ARHGAP12: variants seen among roughly 807,000 people sequenced by gnomAD.
ARHGAP12 encodes Rho GTPase activating protein 12, also known as rho GTPase-activating protein 12.
ARHGAP12 carries 64 observed loss-of-function variants against 108.6 expected under a neutral mutation model. The observed-to-expected ratio is 0.59, with a 90% confidence interval of 0.48 to 0.73. The LOEUF is 0.73. Ranked by LOEUF, ARHGAP12 falls within the 30% of genes least tolerant of loss-of-function variation. The pLI is 0.00. For synonymous variants in ARHGAP12, 312 were observed against 337.2 expected (o/e 0.93, Z 0.82); for missense variants, 940 against 1,005.9 (o/e 0.93, Z 0.89).
intron 3 of ARHGAP12, 46 bp downstream of exon 3, chr10:31,908,126 T>C: frequency 6.7e-7 from 1 of 1,484,534 alleles, no homozygotes; most frequent in African/African-American, 1.4e-5. Flanking sequence ...AACTAATATT[T>C]TCACTAGGGT....
intron 10 of ARHGAP12, among the ~76,000 whole-genome samples, chr10:31,828,642 T>C (rs1473900799): frequency 6.6e-6 from 1 of 152,168 alleles, no homozygotes; most frequent in Non-Finnish European, 1.5e-5. Flanking sequence ...ATAACGATTA[T>C]TGCCTCAAGG....
At chr10:31,895,789 C>G (rs541040267) in intron 3 of ARHGAP12, among the ~76,000 whole-genome samples, 1 of 152,120 alleles carries the variant, frequency 6.6e-6, no homozygotes. Flanking sequence ...CACATGCACA[C>G]GTATGTTTAT....
chr10:31,852,508 G>T lies in ARHGAP12; in HGVS notation c.1170+9C>A. The T allele has an allele frequency of 6.3e-7, 1 of 1,592,350 alleles. No homozygotes were observed. Among genetic ancestry groups the T allele is most frequent in the East Asian group, 2.2e-5 (1 of 44,664 alleles). On this transcript the variant is annotated intron_variant, in intron 6 of 19. Transcript: ENST00000344936. Reference sequence around the variant, plus strand: ...TTTTAAATAGAAATTCGGTGTCAAGGTTTATTACCTTTGGCAATTCCCATT... The same window carrying T: ...TTTTAAATAGAAATTCGGTGTCAAGTTTTATTACCTTTGGCAATTCCCATT...
intron 3 of ARHGAP12, among the ~76,000 whole-genome samples, chr10:31,897,839 T>C (rs1838763324): frequency 1.3e-5 from 2 of 152,106 alleles, no homozygotes; most frequent in South Asian, 4.1e-4. Context: ...AAATATCTAC[T>C]ATTAGGCTGG....
intron 1 of ARHGAP12, among the ~76,000 whole-genome samples, chr10:31,912,647 T>C (rs1003666981): frequency 6.6e-5 from 10 of 152,092 alleles, no homozygotes; most frequent in East Asian, 1.9e-4. Flanking sequence ...GGTATCTCTA[T>C]AGAAAAGGTG....
At chr10:31,902,129 C>T (rs765300484) in intron 3 of ARHGAP12, among the ~76,000 whole-genome samples, 53 of 151,764 alleles carry the variant, frequency 3.5e-4, no homozygotes, top group Admixed American at 7.2e-4. Context: ...TATCTGATTT[C>T]GATACTTATT....
At chr10:31,859,244 T>C (rs931696661) in intron 4 of ARHGAP12, among the ~76,000 whole-genome samples, 8 of 152,104 alleles carry the variant, frequency 5.3e-5, no homozygotes, top group Admixed American at 5.2e-4. Context: ...CAGACAGCCC[T>C]TACCGTGTAT....
chr10:31,913,676 C>G (rs1592377135), intron 1 of ARHGAP12: 1 of 129,368 alleles, frequency 7.7e-6, no homozygotes, highest in South Asian at 2.6e-4. Flanking sequence ...AAAAAAAAAG[C>G]AAGAAAAAGA....
chr10:31,833,182 G>A (rs759906977), intron 9 of ARHGAP12, among the ~76,000 whole-genome samples: 30 of 152,104 alleles, frequency 2.0e-4, no homozygotes, highest in Admixed American at 7.2e-4. Context: ...CAAAAGCAGG[G>A]AGAAAACAAT....
intron 3 of ARHGAP12, among the ~76,000 whole-genome samples, chr10:31,886,666 C>T (rs1030474258): frequency 3.9e-5 from 6 of 152,088 alleles, no homozygotes; most frequent in South Asian, 2.1e-4. Flanking sequence ...TTATTGGTTT[C>T]GACAGTCCTT....
At chr10:31,879,345 G>C (rs1359867494) in intron 3 of ARHGAP12, among the ~76,000 whole-genome samples, 1 of 152,172 alleles carries the variant, frequency 6.6e-6, no homozygotes, top group Non-Finnish European at 1.5e-5. Context: ...CTGGAAGGCA[G>C]AGGTCTCCAG....
chr10:31,918,407 T>A (rs889358313), intron 1 of ARHGAP12, among the ~76,000 whole-genome samples: 9 of 151,676 alleles, frequency 5.9e-5, no homozygotes, highest in Non-Finnish European at 1.2e-4. Context: ...TCATTTTTTT[T>A]AAATTAAAAA....
intron 3 of ARHGAP12, among the ~76,000 whole-genome samples, chr10:31,886,165 T>G (rs1328258198): frequency 6.6e-6 from 1 of 152,166 alleles, no homozygotes; most frequent in East Asian, 1.9e-4. Flanking sequence ...TCAACAAAAA[T>G]GCAAAAAATT....
chr10:31,829,799 T>C (rs1835763935), intron 10 of ARHGAP12, among the ~76,000 whole-genome samples: 1 of 152,202 alleles, frequency 6.6e-6, no homozygotes, highest in African/African-American at 2.4e-5. Flanking sequence ...TCACTACAAC[T>C]AACCCTCAAC....
rs1205073930 is a variant in ARHGAP12, at chr10:31,805,520, G to A, written c.*2138C>T. On this transcript the variant is annotated 3_prime_UTR_variant, in exon 20 of 20. Transcript: ENST00000344936. ...CTGTCAAGACAGGAAAATATTACTA[G>A]CTTTGTTATTACAAAACAAGTGAGA... The A allele has an allele frequency of 6.6e-6, 1 of 151,964 alleles. No individual in the cohort carries two copies. The highest frequency in any genetic ancestry group is 2.4e-5 in the African/African-American group (1 of 41,362). 9.4% of individuals were successfully genotyped at this position (151,964 alleles called of 1,614,324 possible).
chr10:31,846,173 A>G (rs1836455377), intron 6 of ARHGAP12, among the ~76,000 whole-genome samples: 1 of 151,972 alleles, frequency 6.6e-6, no homozygotes, highest in Non-Finnish European at 1.5e-5. Context: ...TTACTCACTC[A>G]CTCTTTATGA....
At chr10:31,903,183 T>C (rs1463048161) in intron 3 of ARHGAP12, among the ~76,000 whole-genome samples, 1 of 152,234 alleles carries the variant, frequency 6.6e-6, no homozygotes, top group Non-Finnish European at 1.5e-5. Flanking sequence ...CGAGATGGTA[T>C]AGCCTACTAC....
intron 1 of ARHGAP12, among the ~76,000 whole-genome samples, chr10:31,917,173 G>A (rs1186582802): frequency 6.6e-6 from 1 of 151,786 alleles, no homozygotes; most frequent in Admixed American, 6.6e-5. Flanking sequence ...ACTTTGGGGG[G>A]CTGAGGCGGG....
At position 31,817,901 on chromosome 10, in the gene ARHGAP12, A is replaced by G; in HGVS notation, c.1633-15T>C. 1 of 1,596,686 alleles carries G rather than the reference A, an allele frequency of 6.3e-7. No homozygotes were observed. The highest frequency in any genetic ancestry group is 2.2e-5 in the East Asian group (1 of 44,700). On this transcript the variant is annotated splice_polypyrimidine_tract_variant and intron_variant, in intron 12 of 19. Coordinates refer to ENST00000344936, the MANE Select transcript of ARHGAP12 (RefSeq NM_018287.7). ...CGAGTTTTCAGCTTTAGAGAAAAGC[A>G]GGGAGAAAAAAGAGTATGGTCAGTT...
Sources: allele counts gnomAD v4.1 joint callset (sites outside exome capture counted in the v4.1 genomes callset), GRCh38; gene constraint gnomAD v4.1.1; transcripts MANE v1.5; gene names NCBI Gene and HGNC (gene_info 2026-07-23, HGNC 2026-07-21).